EYS: variants seen among roughly 807,000 people sequenced by gnomAD.
EYS encodes protein eyes shut homolog.
EYS carries 250 observed loss-of-function variants against 282.1 expected under a neutral mutation model. The ratio of observed to expected loss-of-function variants is 0.89; its 90% CI spans 0.80 to 0.98. The LOEUF is 0.98. Among genes scored for constraint, EYS ranks in the 50% least tolerant of loss-of-function variants. The probability of loss-of-function intolerance (pLI) is 0.00; values close to 1 mark genes in which losing one functional copy is unlikely to be tolerated. For synonymous variants in EYS, 1,355 were observed against 1,282.9 expected (o/e 1.06, Z -1.20); for missense variants, 4,016 against 3,709.0 (o/e 1.08, Z -2.15).
intron 31 of EYS, among the ~76,000 whole-genome samples, chr6:64,165,833 T>C (rs576585999): frequency 6.6e-6 from 1 of 152,272 alleles, no homozygotes; most frequent in East Asian, 1.9e-4. Flanking sequence ...TTACTTGAGA[T>C]GTATGGATTT....
At chr6:63,898,341 T>A (rs1012557290) in intron 35 of EYS, among the ~76,000 whole-genome samples, 1 of 151,514 alleles carries the variant, frequency 6.6e-6, no homozygotes, top group African/African-American at 2.4e-5. Context: ...ACAAAAAAAA[T>A]TTAGCTGGGC....
At chr6:63,895,905 GTTT>G (rs10705427) in intron 35 of EYS, among the ~76,000 whole-genome samples, 265 of 124,164 alleles carry the variant, frequency 2.1e-3, no homozygotes, top group African/African-American at 8.0e-3. Flanking sequence ...ATCATGATTT[GTTT>G]TTTTTTTTTT....
intron 12 of EYS, among the ~76,000 whole-genome samples, chr6:65,245,975 A>AC (rs1767169344): frequency 6.6e-6 from 1 of 152,084 alleles, no homozygotes; most frequent in South Asian, 2.1e-4. Flanking sequence ...AACCTGCCCC[A>AC]CCAACCTTGT....
chr6:64,045,710 G>T (rs921214843), intron 33 of EYS, among the ~76,000 whole-genome samples: 3 of 150,866 alleles, frequency 2.0e-5, no homozygotes, highest in South Asian at 2.1e-4. Flanking sequence ...GCCTCCCAAA[G>T]TGCTGGGATT....
chr6:65,652,639 C>A (rs1767697126), intron 1 of EYS, among the ~76,000 whole-genome samples: 1 of 151,724 alleles, frequency 6.6e-6, no homozygotes, highest in Non-Finnish European at 1.5e-5. Context: ...GAACTCTTAG[C>A]TAGAGGTCAC....
rs965176094 is a variant in EYS at position 65,335,222 on chromosome 6, T to C, written c.1600-76A>G. On this transcript the variant is annotated intron_variant, in intron 10 of 42. Coordinates refer to ENST00000503581, the MANE Select transcript of EYS (RefSeq NM_001142800.2). The stretch of plus-strand genomic sequence containing the variant: ...AATATTACAATTGTGACCTGAGAGA[T>C]CATGATAGATGCCTCTCTGTCTACT... The C allele has an allele frequency of 5.9e-6, 6 of 1,025,610 alleles. No individual in the cohort carries two copies. The South Asian group carries it at 7.7e-5, about 13-fold the overall frequency. The allele number at this position is 1,025,610 out of a possible 1,614,324, so 63.5% of individuals were successfully genotyped here.
At chr6:64,908,934 C>T (rs1454935310) in intron 16 of EYS, among the ~76,000 whole-genome samples, 2 of 152,116 alleles carry the variant, frequency 1.3e-5, no homozygotes, top group Non-Finnish European at 2.9e-5. Flanking sequence ...TCAATCCTGT[C>T]TGAGAATTTA....
At chr6:64,374,719 G>A (rs774934570) in intron 29 of EYS, among the ~76,000 whole-genome samples, 5 of 152,132 alleles carry the variant, frequency 3.3e-5, no homozygotes, top group Admixed American at 6.5e-5. Flanking sequence ...GCTGCTGCTC[G>A]TCTCCCATCT....
intron 31 of EYS, among the ~76,000 whole-genome samples, chr6:64,107,244 G>GATATATAT (rs142675391): frequency 9.6e-5 from 12 of 124,476 alleles, no homozygotes; most frequent in African/African-American, 3.8e-4. Flanking sequence ...ACTAGTAGGA[G>GATATATAT]ATATATATAT....
At chr6:65,242,019 T>C (rs1767069330) in intron 12 of EYS, among the ~76,000 whole-genome samples, 1 of 152,088 alleles carries the variant, frequency 6.6e-6, no homozygotes, top group African/African-American at 2.4e-5. Flanking sequence ...CCAGCAAAAT[T>C]CCTACAGATA....
chr6:64,761,366 T>G (rs1215434325), intron 22 of EYS, among the ~76,000 whole-genome samples: 1 of 152,230 alleles, frequency 6.6e-6, no homozygotes, highest in Non-Finnish European at 1.5e-5. Flanking sequence ...CTGTAAACAA[T>G]GGATAAGACC....
chr6:63,743,715 T>G (rs1354306926), intron 41 of EYS, among the ~76,000 whole-genome samples: 1 of 152,226 alleles, frequency 6.6e-6, no homozygotes, highest in Non-Finnish European at 1.5e-5. Flanking sequence ...TTAAAGATAC[T>G]AGAAGAGTCA....
At chr6:63,769,010 A>T (rs1233777421) in intron 40 of EYS, among the ~76,000 whole-genome samples, 1 of 152,162 alleles carries the variant, frequency 6.6e-6, no homozygotes, top group Non-Finnish European at 1.5e-5. Flanking sequence ...TATAAGTAGG[A>T]GCTGAACAAT....
At chr6:64,572,889 G>C (rs1765770474) in intron 26 of EYS, among the ~76,000 whole-genome samples, 1 of 151,712 alleles carries the variant, frequency 6.6e-6, no homozygotes, top group Non-Finnish European at 1.5e-5. Context: ...TAAAGCTACT[G>C]TTGACTTTCT....
intron 41 of EYS, among the ~76,000 whole-genome samples, chr6:63,760,559 C>A (rs1348730270): frequency 6.6e-6 from 1 of 151,916 alleles, no homozygotes; most frequent in Non-Finnish European, 1.5e-5. Flanking sequence ...TTTTCTGGCA[C>A]CTTTAATGAA....
At chr6:64,790,347 A>G (rs1337707902) in intron 22 of EYS, among the ~76,000 whole-genome samples, 1 of 151,974 alleles carries the variant, frequency 6.6e-6, no homozygotes, top group African/African-American at 2.4e-5. Context: ...CTAAAAGTTG[A>G]AAAACAAATG....
chr6:64,625,879 G>C (rs888190125), intron 23 of EYS, among the ~76,000 whole-genome samples: 5 of 152,016 alleles, frequency 3.3e-5, no homozygotes, highest in Non-Finnish European at 5.9e-5. Flanking sequence ...CCATCAATAA[G>C]GTATTACACT....
intron 5 of EYS, among the ~76,000 whole-genome samples, chr6:65,431,504 T>A (rs1478731797): frequency 2.0e-5 from 3 of 152,124 alleles, no homozygotes; most frequent in African/African-American, 7.2e-5. Context: ...AAATAATATA[T>A]TATTTGTAAT....
intron 31 of EYS, among the ~76,000 whole-genome samples, chr6:64,225,743 A>G (rs946513779): frequency 6.6e-6 from 1 of 152,118 alleles, no homozygotes; most frequent in Admixed American, 6.6e-5. Context: ...AGCTGAGCCC[A>G]GTGTTCCCTG....
Sources: allele counts gnomAD v4.1 joint callset (sites outside exome capture counted in the v4.1 genomes callset), GRCh38; gene constraint gnomAD v4.1.1; transcripts MANE v1.5; gene names NCBI Gene and HGNC (gene_info 2026-07-23, HGNC 2026-07-21).